The following USP15 variants were observed in gnomAD, a reference collection of about 807,000 sequenced individuals.
USP15 encodes the protein ubiquitin specific peptidase 15.
A neutral mutation model predicts 127.1 loss-of-function variants in USP15; 18 were observed. That is an observed-to-expected ratio of 0.14 (90% CI 0.10 to 0.21). USP15 has a LOEUF of 0.21. Among genes scored for constraint, USP15 ranks in the 10% least tolerant of loss-of-function variants. The probability of loss-of-function intolerance (pLI) is 1.00; values close to 1 mark genes in which losing one functional copy is unlikely to be tolerated. For missense variants in USP15, 805 were observed against 1,159.9 expected, an observed-to-expected ratio of 0.69 and a Z score of 4.44; for synonymous variants, 364 against 393.7, an observed-to-expected ratio of 0.92 and a Z score of 0.89.
chr12:62,369,794 T>A (rs1453018192), intron 8 of USP15, among the ~76,000 whole-genome samples: 7 of 152,220 alleles, frequency 4.6e-5, no homozygotes, highest in Admixed American at 4.6e-4. Flanking sequence ...GTTACTTTTT[T>A]AAATAAGGAA....
At chr12:62,362,634 A>G (rs1271247393) in intron 8 of USP15, among the ~76,000 whole-genome samples, 2 of 152,180 alleles carry the variant, frequency 1.3e-5, no homozygotes, top group Non-Finnish European at 2.9e-5. Flanking sequence ...CAAGTAATTC[A>G]TAAGTAATGA....
At chr12:62,321,358 T>C (rs2064980928) in intron 4 of USP15, 106 bp from the exon 5 acceptor site, 3 of 662,072 alleles carry the variant, frequency 4.5e-6, no homozygotes, top group Non-Finnish European at 6.7e-6. Flanking sequence ...TTAGTCTTGA[T>C]TTTCTATTAG....
intron 6 of USP15, among the ~76,000 whole-genome samples, chr12:62,342,702 C>G (rs1042254741): frequency 6.6e-6 from 1 of 152,094 alleles, no homozygotes; most frequent in African/African-American, 2.4e-5. Context: ...TACTCCAGAC[C>G]CTGTTCGCCT....
intron 1 of USP15, among the ~76,000 whole-genome samples, chr12:62,287,710 A>G (rs1465833193): frequency 6.6e-6 from 1 of 152,112 alleles, no homozygotes; most frequent in East Asian, 1.9e-4. Context: ...AAGATCTTGA[A>G]TACACCTTGC....
chr12:62,339,917 A>C (rs553905258), intron 6 of USP15, among the ~76,000 whole-genome samples: 4 of 152,242 alleles, frequency 2.6e-5, no homozygotes, highest in Admixed American at 2.6e-4. Context: ...GTTAGAGAGG[A>C]GTCCCTCTTT....
intron 4 of USP15, among the ~76,000 whole-genome samples, chr12:62,317,918 T>G (rs1014029091): frequency 2.0e-5 from 3 of 152,192 alleles, no homozygotes; most frequent in African/African-American, 7.2e-5. Context: ...ATAGTTTTAT[T>G]TTCCTTTAAG....
In USP15 at chr12:62,405,283, T is replaced by G. The variant is rs1389165193; in HGVS notation, c.*908T>G. On this transcript the variant is annotated 3_prime_UTR_variant, in exon 22 of 22. Transcript: ENST00000280377. ...ACATAATAGTATTCTGTACCCATAGTAATAATTGCATCAAGCTTAGATGAG... is the reference window on the plus strand; with the variant it reads ...ACATAATAGTATTCTGTACCCATAGGAATAATTGCATCAAGCTTAGATGAG... 6.6e-6 allele frequency: 1 copy of G among 152,140 alleles called. No homozygotes were observed. 9.4% of individuals were successfully genotyped at this position (152,140 alleles called of 1,614,324 possible).
intron 2 of USP15, among the ~76,000 whole-genome samples, chr12:62,296,284 A>T (rs969858983): frequency 4.6e-5 from 7 of 152,230 alleles, no homozygotes; most frequent in Non-Finnish European, 1.0e-4. Flanking sequence ...TAAAGCCCTA[A>T]GCACAAATCC....
chr12:62,276,195 T>G (rs1049864319), intron 1 of USP15, among the ~76,000 whole-genome samples: 1 of 152,152 alleles, frequency 6.6e-6, no homozygotes, highest in African/African-American at 2.4e-5. Context: ...GATTATACAT[T>G]GGTACATTTA....
chr12:62,311,389 G>C (rs2064675058), intron 3 of USP15, among the ~76,000 whole-genome samples: 2 of 151,778 alleles, frequency 1.3e-5, no homozygotes, highest in Admixed American at 1.3e-4. Context: ...GGGCCAGATA[G>C]TAAATATTTT....
At chr12:62,378,849 C>G (rs2066907330) in intron 8 of USP15, among the ~76,000 whole-genome samples, 1 of 151,986 alleles carries the variant, frequency 6.6e-6, no homozygotes, top group African/African-American at 2.4e-5. Context: ...CTATGCCAAA[C>G]ATTGAAGGAA....
chr12:62,300,681 C>T (rs1036114115), intron 2 of USP15, among the ~76,000 whole-genome samples: 2 of 152,082 alleles, frequency 1.3e-5, no homozygotes, highest in African/African-American at 2.4e-5. Context: ...TAAACAAATG[C>T]GCCTTGAGTA....
intron 3 of USP15, among the ~76,000 whole-genome samples, chr12:62,309,955 C>G (rs1029094268): frequency 6.6e-6 from 1 of 151,604 alleles, no homozygotes; most frequent in Non-Finnish European, 1.5e-5. Context: ...GAAATCTTAG[C>G]CAGTATGGTA....
chr12:62,297,365 C>T (rs2064162164), intron 2 of USP15, among the ~76,000 whole-genome samples: 1 of 151,886 alleles, frequency 6.6e-6, no homozygotes. Context: ...TCTGTCTTAC[C>T]TTACCCAGTG....
intron 4 of USP15, among the ~76,000 whole-genome samples, chr12:62,318,964 T>G (rs1042045628): frequency 2.0e-5 from 3 of 152,134 alleles, no homozygotes; most frequent in African/African-American, 7.2e-5. Flanking sequence ...TTAGGATTGT[T>G]GCAGTAACCT....
intron 1 of USP15, among the ~76,000 whole-genome samples, chr12:62,285,119 T>C (rs2063753247): frequency 1.3e-5 from 2 of 152,180 alleles, no homozygotes; most frequent in South Asian, 4.1e-4. Context: ...TTAATATTTT[T>C]ATAGATTTAG....
intron 6 of USP15, among the ~76,000 whole-genome samples, chr12:62,347,277 G>A (rs982014336): frequency 6.6e-6 from 1 of 150,906 alleles, no homozygotes; most frequent in Non-Finnish European, 1.5e-5. Context: ...CCACAGATGA[G>A]AAGAAAAAGA....
At chr12:62,260,966 G>C (rs2063034174) in intron 1 of USP15, among the ~76,000 whole-genome samples, 1 of 152,006 alleles carries the variant, frequency 6.6e-6, no homozygotes, top group African/African-American at 2.4e-5. Context: ...TCTGATTCTT[G>C]GTCTTCCGGG....
intron 8 of USP15, among the ~76,000 whole-genome samples, chr12:62,365,806 G>C (rs2066457886): frequency 6.6e-6 from 1 of 152,292 alleles, no homozygotes; most frequent in Admixed American, 6.5e-5. Flanking sequence ...TTATTAAATA[G>C]AGAATCCTTT....
Sources: allele counts gnomAD v4.1 joint callset (sites outside exome capture counted in the v4.1 genomes callset), GRCh38; gene constraint gnomAD v4.1.1; transcripts MANE v1.5; gene names NCBI Gene and HGNC (gene_info 2026-07-23, HGNC 2026-07-21).